ENG: variants seen among roughly 807,000 people sequenced by gnomAD.
ENG encodes the protein endoglin.
A neutral mutation model predicts 71.0 loss-of-function variants in ENG; 17 were observed. The observed-to-expected ratio is 0.24, with a 90% CI of 0.16 to 0.36. The LOEUF is 0.36. Ranked by LOEUF, ENG falls within the 10% of genes least tolerant of loss-of-function variation. The pLI is 1.00. For missense variants in ENG, 749 were observed against 868.3 expected (o/e 0.86, Z 1.73); for synonymous variants, 360 against 366.9 (o/e 0.98, Z 0.21).
At chr9:127,818,083 C>T (rs751660805) in intron 12 of ENG, 37 bp downstream of exon 12, 6 of 1,613,576 alleles carry the variant, frequency 3.7e-6, no homozygotes, top group Non-Finnish European at 5.1e-6. Context: ...CCTGGAAGCT[C>T]CCACTTGAAG....
At chr9:127,837,015 C>T (rs1830917525) in intron 2 of ENG, among the ~76,000 whole-genome samples, 1 of 152,178 alleles carries the variant, frequency 6.6e-6, no homozygotes, top group Non-Finnish European at 1.5e-5. Flanking sequence ...TCTCGAACTC[C>T]TGACCCAAAT....
intron 9 of ENG, 50 bp downstream of exon 9, chr9:127,819,850 G>A: frequency 1.2e-6 from 2 of 1,613,942 alleles, no homozygotes; most frequent in South Asian, 1.1e-5. Context: ...GGGCACCTGA[G>A]GGGGCACCAA....
intron 8 of ENG, among the ~76,000 whole-genome samples, chr9:127,821,955 C>T (rs1053107552): frequency 6.7e-6 from 1 of 148,874 alleles, no homozygotes; most frequent in African/African-American, 2.5e-5. Context: ...GAGGCTGAGG[C>T]AGGAGAATCA....
chr9:127,819,771 G>A (rs1588576768), intron 9 of ENG, 111 bp from the exon 10 acceptor site: 3 of 1,599,990 alleles, frequency 1.9e-6, no homozygotes, highest in East Asian at 2.2e-5. Context: ...CAATGGCCAA[G>A]CTTGTCTTGT....
intron 3 of ENG, among the ~76,000 whole-genome samples, chr9:127,827,912 G>A (rs1184230425): frequency 1.3e-5 from 2 of 151,688 alleles, no homozygotes; most frequent in South Asian, 2.1e-4. Context: ...CCAGCTACTC[G>A]GGAGGCTGAG....
Position 127,825,306 on chromosome 9 carries a change from G to A in ENG, c.741C>T (p.Leu247=), listed in dbSNP as rs201457707. Residue 247 remains leucine, a synonymous_variant, in exon 6 of 15, where the codon CTC becomes CTT. Coordinates refer to ENST00000373203, the MANE Select transcript of ENG (RefSeq NM_001114753.3). ...GACCCTGCAGGATGAGGACGGCATC[G>A]AGATCCCCGGGTGCGCAGCTCAGTT... ...KVELSCAPGD[L]DAVLILQGPP... 4.1e-5 allele frequency: 66 copies of A among 1,611,346 alleles called. No individual in the cohort carries two copies. Among genetic ancestry groups the A allele is most frequent in the Non-Finnish European group, 5.3e-5 (62 of 1,179,554 alleles).
At position 127,854,542 on chromosome 9, in the gene ENG, G is replaced by T; in HGVS notation, c.-187C>A. 2 of 601,692 alleles carry T rather than the reference G, an allele frequency of 3.3e-6. No homozygotes were observed. The highest frequency in any genetic ancestry group is 5.8e-6 in the Non-Finnish European group (2 of 346,402). 37.3% of individuals were successfully genotyped at this position (601,692 alleles called of 1,614,324 possible). On this transcript the variant is annotated 5_prime_UTR_variant, in exon 1 of 15. Transcript: ENST00000373203. ...GGTCAGGAGAAGTGGACACAGGGACGCGGGGCTGGGCTGGAGTTGCTGTCC... is the reference window on the plus strand; with the variant it reads ...GGTCAGGAGAAGTGGACACAGGGACTCGGGGCTGGGCTGGAGTTGCTGTCC...
At chr9:127,818,891 G>A (rs1441920473) in intron 10 of ENG, 59 bp from the exon 11 acceptor site, 7 of 1,504,388 alleles carry the variant, frequency 4.7e-6, no homozygotes, top group South Asian at 1.1e-5. Context: ...GGAGGGCGAG[G>A]GGTGTGGGGA....
rs554616285 is a variant in ENG at position 127,830,615 on chromosome 9, C to G, written c.220-788G>C. ...TGAGCTGAGATTGCGCTATTGCACT[C>G]CAGCCTGGGCAACAAGAATGACGCT... On this transcript the variant is annotated intron_variant, in intron 2 of 14. Transcript: ENST00000373203. 5.3e-5 allele frequency among the ~76,000 whole-genome samples: 8 copies of G among 151,784 alleles called. No homozygotes were observed. In the South Asian group the frequency reaches 1.5e-3, roughly 28 times the overall value.
chr9:127,828,455 C>T (rs984165907), intron 3 of ENG, among the ~76,000 whole-genome samples: 6 of 152,214 alleles, frequency 3.9e-5, no homozygotes, highest in African/African-American at 7.2e-5. Flanking sequence ...CGGGAAGCAG[C>T]GCGGCCCCAG....
intron 1 of ENG, among the ~76,000 whole-genome samples, chr9:127,849,098 C>T (rs2131928978): frequency 6.6e-6 from 1 of 152,120 alleles, no homozygotes; most frequent in East Asian, 1.9e-4. Flanking sequence ...ACCATCCTTC[C>T]CGCCAAACTA....
At chr9:127,837,077 C>A (rs1830918879) in intron 2 of ENG, among the ~76,000 whole-genome samples, 1 of 152,178 alleles carries the variant, frequency 6.6e-6, no homozygotes, top group African/African-American at 2.4e-5. Flanking sequence ...CGTGAGACAC[C>A]ACGCCTGGCC....
At chr9:127,826,455 T>C in intron 4 of ENG, 55 bp downstream of exon 4, 1 of 1,608,830 alleles carries the variant, frequency 6.2e-7, no homozygotes, top group South Asian at 1.1e-5. Flanking sequence ...CCAGAGGAGC[T>C]CAGATTCCTC....
At position 127,815,474 on chromosome 9, in the gene ENG, G is replaced by C; in HGVS notation, c.*208C>G. ...ATATCCCAGACCCACTGGGTTGAAGGTTCTGTGGGGTGGAGGGACCCCAAG... is the reference window on the plus strand; with the variant it reads ...ATATCCCAGACCCACTGGGTTGAAGCTTCTGTGGGGTGGAGGGACCCCAAG... On this transcript the variant is annotated 3_prime_UTR_variant, in exon 15 of 15. Coordinates refer to ENST00000373203, the MANE Select transcript of ENG (RefSeq NM_001114753.3). 1.0e-6 allele frequency: 1 copy of C among 981,056 alleles called. No homozygotes were observed. Among genetic ancestry groups the C allele is most frequent in the African/African-American group, 1.6e-5 (1 of 60,988 alleles). 60.8% of individuals were successfully genotyped at this position (981,056 alleles called of 1,614,324 possible).
chr9:127,828,478 G>A (rs1421702736), intron 3 of ENG, among the ~76,000 whole-genome samples: 2 of 152,200 alleles, frequency 1.3e-5, no homozygotes, highest in Non-Finnish European at 2.9e-5. Flanking sequence ...GGAAGGCGGC[G>A]CGGCCGAGGC....
chr9:127,844,911 G>A (rs376243840), intron 1 of ENG, among the ~76,000 whole-genome samples: 3 of 152,190 alleles, frequency 2.0e-5, no homozygotes, highest in African/African-American at 4.8e-5. Context: ...GGGACAGGGC[G>A]AGCCGAGAAG....
rs34828244 is a variant in ENG at position 127,818,770 on chromosome 9, T to C, written c.1374A>G (p.Pro458=). The change falls in exon 11 of 15, where the codon CCA becomes CCG. Residue 458 remains proline, a synonymous_variant. Coordinates refer to ENST00000373203, the MANE Select transcript of ENG (RefSeq NM_001114753.3). ...LSFQLGLYLS[P]HFLQASNTIE... ...TGGTGTTGGAGGCCTGGAGGAAGTG[T>C]GGGCTGAGGTAGAGGCCCAGCTGGA... The C allele has an allele frequency of 0.01, 16,639 of 1,614,002 alleles. 128 individuals carry two copies. Among genetic ancestry groups the C allele is most frequent in the Non-Finnish European group, 0.011 (13,050 of 1,179,980 alleles).
chr9:127,817,352 T>G lies in ENG; in HGVS notation c.1687-149A>C, dbSNP rs1830349612. 5.1e-6 allele frequency: 4 copies of G among 780,964 alleles called. No homozygotes were observed. In the Admixed American group the frequency reaches 8.0e-5, roughly 16 times the overall value. 48.4% of individuals were successfully genotyped at this position (780,964 alleles called of 1,614,324 possible). ...TAGCTGGATGCCTCTGGGTGAGTCC[T>G]GGAAGATCTGTGCTGTGGGAGGGTG... On this transcript the variant is annotated intron_variant, in intron 12 of 14. Transcript: ENST00000373203.
At chr9:127,826,730 C>T (rs980952246) in intron 3 of ENG, 58 bp from the exon 4 acceptor site, 8 of 1,600,954 alleles carry the variant, frequency 5.0e-6, no homozygotes, top group Non-Finnish European at 2.6e-6. Flanking sequence ...CTCTCTATCC[C>T]ATGTAGGAGG....
Sources: gnomAD v4.1 joint callset for allele counts (sites outside exome capture counted in the v4.1 genomes callset) on GRCh38, gnomAD v4.1.1 for gene constraint, MANE v1.5 for transcripts, NCBI Gene and HGNC (gene_info 2026-07-23, HGNC 2026-07-21) for gene names.